Variants in DYRK3 observed in about 807,000 individuals in gnomAD.
DYRK3 encodes the protein dual specificity tyrosine-phosphorylation-regulated kinase 3.
DYRK3 carries 30 observed loss-of-function variants against 40.8 expected under a neutral mutation model. The observed-to-expected ratio is 0.74, with a 90% confidence interval of 0.55 to 1.00. DYRK3 has a LOEUF of 1.00. Among genes scored for constraint, DYRK3 ranks in the 50% least tolerant of loss-of-function variants. The pLI is 0.00. For missense variants in DYRK3, 699 were observed against 731.5 expected (o/e 0.96, Z 0.51); for synonymous variants, 272 against 260.7 (o/e 1.04, Z -0.42).
intron 2 of DYRK3, among the ~76,000 whole-genome samples, chr1:206,640,272 A>T (rs1671249882): frequency 6.6e-6 from 1 of 152,078 alleles, no homozygotes; most frequent in African/African-American, 2.4e-5. Flanking sequence ...AAATAAAAAT[A>T]AAAAATGCCT....
chr1:206,649,167 T>C lies in DYRK3; in HGVS notation c.*202T>C. ...CAGCTTGTATTGGCCATCTGGAATATGCATTAAATGACTTTTTATAGGTCA... is the reference window on the plus strand; with the variant it reads ...CAGCTTGTATTGGCCATCTGGAATACGCATTAAATGACTTTTTATAGGTCA... On this transcript the variant is annotated 3_prime_UTR_variant, in exon 3 of 3. Transcript: ENST00000367109. The C allele has an allele frequency of 1.8e-6, 1 of 544,262 alleles. No homozygotes were observed. Among genetic ancestry groups the C allele is most frequent in the Non-Finnish European group, 3.2e-6 (1 of 314,390 alleles). The allele number at this position is 544,262 out of a possible 1,614,324, so 33.7% of individuals were successfully genotyped here. A position where few individuals can be genotyped will look rare whatever the true frequency, so the allele number is the denominator to read the frequency against.
At chr1:206,643,914 G>A (rs1380173134) in intron 2 of DYRK3, among the ~76,000 whole-genome samples, 1 of 151,752 alleles carries the variant, frequency 6.6e-6, no homozygotes, top group Non-Finnish European at 1.5e-5. Flanking sequence ...TTTATAGTTG[G>A]TGAAATTATT....
Position 206,653,476 on chromosome 1 carries a change from AGT to A in DYRK3, c.*4516_*4517del, listed in dbSNP as rs1476161408. Among the ~76,000 whole-genome samples the A allele has an allele frequency of 6.6e-6, 1 of 152,188 alleles. No homozygotes were observed. Among genetic ancestry groups the A allele is most frequent in the African/African-American group, 2.4e-5 (1 of 41,426 alleles). On this transcript the variant is annotated 3_prime_UTR_variant, in exon 3 of 3. Transcript: ENST00000367109. ...GATTAGAAAGTAAGCTTCAAATGGG[AGT>A]GTGTCTTCATATTGTTCTGAATTAA...
At chr1:206,638,078 C>A (rs1205410239) in intron 2 of DYRK3, among the ~76,000 whole-genome samples, 1 of 151,988 alleles carries the variant, frequency 6.6e-6, no homozygotes, top group Non-Finnish European at 1.5e-5. Flanking sequence ...TACAAAGGCT[C>A]CTTTTAACAA....
Position 206,644,469 on chromosome 1 carries a change from G to C in DYRK3, c.190-2919G>C, listed in dbSNP as rs11119238. On this transcript the variant is annotated intron_variant, in intron 2 of 2. Transcript: ENST00000367109. ...TAAAGTTAGGTAGTAAAGATTTTAAGGAAAACTAGCCAAGATGCTTGTAGA... is the reference window on the plus strand; with the variant it reads ...TAAAGTTAGGTAGTAAAGATTTTAACGAAAACTAGCCAAGATGCTTGTAGA... 0.029 allele frequency among the ~76,000 whole-genome samples: 4,453 copies of C among 152,242 alleles called. 614 individuals carry two copies. In the East Asian group the frequency reaches 0.47, roughly 16 times the overall value.
At position 206,635,932 on chromosome 1, in the gene DYRK3, T is replaced by G. The variant is rs1671091748; in HGVS notation, c.77+152T>G. On this transcript the variant is annotated intron_variant, in intron 1 of 2. Coordinates refer to ENST00000367109, the MANE Select transcript of DYRK3 (RefSeq NM_003582.4). ...CTGCCTCCCCGGGACCGCCCCCACC[T>G]CCTCTCTATCAGGGCCCCCTCCCCC... The G allele has an allele frequency of 6.1e-6, 8 of 1,313,918 alleles. No individual in the cohort carries two copies. The Admixed American group carries it at 2.1e-4, about 35-fold the overall frequency. 81.4% of individuals were successfully genotyped at this position (1,313,918 alleles called of 1,614,324 possible).
At position 206,653,543 on chromosome 1, in the gene DYRK3, G is replaced by A. The variant is rs180970939; in HGVS notation, c.*4578G>A. ...CGCTGATCATGTGCAGATGATGGAA[G>A]CTCATTTCCTTCCATGAACCAGGAG... On this transcript the variant is annotated 3_prime_UTR_variant, in exon 3 of 3. Coordinates refer to ENST00000367109, the MANE Select transcript of DYRK3 (RefSeq NM_003582.4). Among the ~76,000 whole-genome samples the A allele has an allele frequency of 2.0e-5, 3 of 152,296 alleles. No individual in the cohort carries two copies. The East Asian group carries it at 5.8e-4, about 29-fold the overall frequency.
At position 206,654,160 on chromosome 1, in the gene DYRK3, T is replaced by A. The variant is rs746875175; in HGVS notation, c.*5195T>A. Among the ~76,000 whole-genome samples, 2 of 152,250 alleles carry A rather than the reference T, an allele frequency of 1.3e-5. No homozygotes were observed. The highest frequency in any genetic ancestry group is 2.9e-5 in the Non-Finnish European group (2 of 68,036). On this transcript the variant is annotated 3_prime_UTR_variant, in exon 3 of 3. Coordinates refer to ENST00000367109, the MANE Select transcript of DYRK3 (RefSeq NM_003582.4). ...CATGGAAAACTCTTTCTCCTTTATT[T>A]TTAATTATTTCTTTTCCATCTGTTA...
chr1:206,636,223 A>G (rs782347876), intron 1 of DYRK3: 2 of 503,832 alleles, frequency 4.0e-6, no homozygotes, highest in Non-Finnish European at 7.6e-6. Flanking sequence ...TCGAATGTAC[A>G]GGTTATGGGC....
chr1:206,642,644 C>G (rs1671323170), intron 2 of DYRK3, among the ~76,000 whole-genome samples: 1 of 152,092 alleles, frequency 6.6e-6, no homozygotes, highest in South Asian at 2.1e-4. Context: ...ATGGATGAAG[C>G]TAGAAACCGT....
Position 206,637,724 on chromosome 1 carries a change from G to A in DYRK3, c.152G>A (p.Cys51Tyr), listed in dbSNP as rs782528506. 6.2e-7 allele frequency: 1 copy of A among 1,613,984 alleles called. No homozygotes were observed. The highest frequency in any genetic ancestry group is 1.1e-5 in the South Asian group (1 of 91,070). Residue 51 changes from cysteine to tyrosine, a missense_variant, in exon 2 of 3, where the codon TGC (cysteine) becomes TAC (tyrosine). By Grantham distance (194) the Cys-to-Tyr change is radical (BLOSUM62 -2). Coordinates refer to ENST00000367109, the MANE Select transcript of DYRK3 (RefSeq NM_003582.4). The part of the protein sequence containing the change: ...TKCPPCSNVL[C>Y]NPSEPPPPRR... ...TGTCCCCCCTGTTCAAATGTACTCT[G>A]CAATCCTTCTGAACCACCTCCACCC...
Position 206,650,837 on chromosome 1 carries a change from G to T in DYRK3, c.*1872G>T, listed in dbSNP as rs1553421217. Among the ~76,000 whole-genome samples the T allele has an allele frequency of 1.3e-5, 2 of 152,332 alleles. No homozygotes were observed. The highest frequency in any genetic ancestry group is 1.9e-4 in the East Asian group (1 of 5,184). ...CATTTAAATGTCCACAGTGGCTTTA[G>T]TCTCCCAAGTACAAGGGCCAGATGG... On this transcript the variant is annotated 3_prime_UTR_variant, in exon 3 of 3. Transcript: ENST00000367109.
intron 2 of DYRK3, among the ~76,000 whole-genome samples, chr1:206,645,374 A>T (rs1324010413): frequency 6.6e-6 from 1 of 152,218 alleles, no homozygotes; most frequent in Non-Finnish European, 1.5e-5. Flanking sequence ...ATAATTCTTC[A>T]GGGTCCATTG....
At chr1:206,646,589 T>A (rs1374341467) in intron 2 of DYRK3, among the ~76,000 whole-genome samples, 1 of 152,196 alleles carries the variant, frequency 6.6e-6, no homozygotes, top group Admixed American at 6.5e-5. Context: ...CTTAGAGCTT[T>A]TGTGATTCAA....
intron 2 of DYRK3, 23 bp from the exon 3 acceptor site, chr1:206,647,363 CTT>C: frequency 7.1e-6 from 11 of 1,552,766 alleles, no homozygotes; most frequent in South Asian, 2.5e-5. Context: ...TTTTTAATGA[CTT>C]ATATTCATTT....
At position 206,647,873 on chromosome 1, in the gene DYRK3, G is replaced by A; in HGVS notation, c.675G>A (p.Arg225=). The part of the protein sequence containing the change: ...IGKGSFGQVA[R]VYDHKLRQYV... ...AGGGGAGTTTTGGGCAGGTGGCCAG[G>A]GTCTATGATCACAAACTTCGACAGT... Residue 225 remains arginine, a synonymous_variant, in exon 3 of 3, where the codon AGG becomes AGA. Coordinates refer to ENST00000367109, the MANE Select transcript of DYRK3 (RefSeq NM_003582.4). The A allele has an allele frequency of 1.2e-6, 2 of 1,613,972 alleles. No individual in the cohort carries two copies. Among genetic ancestry groups the A allele is most frequent in the Non-Finnish European group, 1.7e-6 (2 of 1,179,998 alleles).
chr1:206,637,229 G>A (rs917956215), intron 1 of DYRK3, among the ~76,000 whole-genome samples: 1 of 152,192 alleles, frequency 6.6e-6, no homozygotes, highest in Non-Finnish European at 1.5e-5. Flanking sequence ...GGAGAAGGTA[G>A]CACAGCCAGT....
At position 206,647,794 on chromosome 1, in the gene DYRK3, A is replaced by G. The variant is rs1437285448; in HGVS notation, c.596A>G (p.His199Arg). 1 of 1,614,034 alleles carries G rather than the reference A, an allele frequency of 6.2e-7. No homozygotes were observed. The highest frequency in any genetic ancestry group is 1.3e-5 in the African/African-American group (1 of 74,918). ...GYDDADGAYI[H>R]VPRDHLAYRY... ...GATGATGCAGATGGGGCCTATATTC[A>G]TGTACCTCGAGACCATCTAGCTTAT... Residue 199 changes from histidine (H) to arginine (R), a missense_variant, in exon 3 of 3, where the codon CAT becomes CGT. Physicochemically the swap from His to Arg is conservative, Grantham distance 29. Transcript: ENST00000367109.
chr1:206,635,858 G>A, intron 1 of DYRK3, 78 bp downstream of exon 1: 2 of 1,241,348 alleles, frequency 1.6e-6, no homozygotes, highest in East Asian at 6.3e-5. Flanking sequence ...TGGGGGTGGG[G>A]AGGAGGTAGA....
Sources: gnomAD v4.1 joint callset for allele counts (sites outside exome capture counted in the v4.1 genomes callset) on GRCh38, gnomAD v4.1.1 for gene constraint, MANE v1.5 for transcripts, NCBI Gene and HGNC (gene_info 2026-07-23, HGNC 2026-07-21) for gene names.